PDGFC: variants seen among roughly 807,000 people sequenced by gnomAD.
PDGFC encodes the protein platelet derived growth factor C.
PDGFC carries 12 observed loss-of-function variants against 35.5 expected under a neutral mutation model. The observed-to-expected ratio is 0.34, with a 90% CI of 0.22 to 0.55. The LOEUF (loss-of-function observed/expected upper bound fraction) is 0.55, where lower values mean the gene tolerates loss of function less well. Ranked by LOEUF, PDGFC falls within the 20% of genes least tolerant of loss-of-function variation. PDGFC has a pLI of 0.91. For synonymous variants in PDGFC, 159 were observed against 148.8 expected, an observed-to-expected ratio of 1.07 and a Z score of -0.50; for missense variants, 322 against 412.4, an observed-to-expected ratio of 0.78 and a Z score of 1.90.
intron 1 of PDGFC, among the ~76,000 whole-genome samples, chr4:156,862,831 A>T (rs1433008323): frequency 1.3e-5 from 2 of 151,374 alleles, no homozygotes; most frequent in African/African-American, 4.9e-5. Flanking sequence ...AGTAGCTGGG[A>T]TTACAGGCAC....
chr4:156,828,710 A>T (rs1176248720), intron 2 of PDGFC, among the ~76,000 whole-genome samples: 2 of 152,210 alleles, frequency 1.3e-5, no homozygotes, highest in East Asian at 3.8e-4. Context: ...TATTTAACGT[A>T]CAGATAGAAC....
intron 1 of PDGFC, among the ~76,000 whole-genome samples, chr4:156,878,579 T>A (rs1044525880): frequency 1.3e-5 from 2 of 152,200 alleles, no homozygotes; most frequent in African/African-American, 4.8e-5. Flanking sequence ...TTGAATTTTT[T>A]AAGATTTTGT....
chr4:156,893,608 G>A (rs1431505851), intron 1 of PDGFC, among the ~76,000 whole-genome samples: 1 of 151,354 alleles, frequency 6.6e-6, no homozygotes, highest in Non-Finnish European at 1.5e-5. Flanking sequence ...AAGTTGCTGG[G>A]ATTACAGGCA....
At chr4:156,887,026 A>T (rs1730392422) in intron 1 of PDGFC, among the ~76,000 whole-genome samples, 1 of 152,178 alleles carries the variant, frequency 6.6e-6, no homozygotes, top group South Asian at 2.1e-4. Context: ...GAATTTTTGT[A>T]TGTATTCACA....
intron 2 of PDGFC, among the ~76,000 whole-genome samples, chr4:156,848,462 A>T (rs982631949): frequency 6.6e-6 from 1 of 151,994 alleles, no homozygotes; most frequent in Admixed American, 6.6e-5. Context: ...AAACAAGTCA[A>T]ACGTTCCTCA....
intron 2 of PDGFC, among the ~76,000 whole-genome samples, chr4:156,832,038 AT>A (rs1233181001): frequency 6.6e-6 from 1 of 151,576 alleles, no homozygotes; most frequent in Non-Finnish European, 1.5e-5. Flanking sequence ...CTCTTTTAAA[AT>A]TTTTTTTCTA....
intron 3 of PDGFC, among the ~76,000 whole-genome samples, chr4:156,790,851 G>C (rs1309716153): frequency 3.3e-5 from 5 of 152,194 alleles, no homozygotes; most frequent in Non-Finnish European, 2.9e-5. Context: ...AATAAATTAA[G>C]TTCCTCTGGC....
At chr4:156,818,557 G>A (rs537272383) in intron 2 of PDGFC, among the ~76,000 whole-genome samples, 30 of 114,572 alleles carry the variant, frequency 2.6e-4, no homozygotes, top group Non-Finnish European at 4.2e-4. Context: ...GTCTCGCTCT[G>A]TCGCCCAGGC....
intron 2 of PDGFC, among the ~76,000 whole-genome samples, chr4:156,840,818 G>A (rs187389128): frequency 1.3e-5 from 2 of 152,280 alleles, no homozygotes; most frequent in Non-Finnish European, 1.5e-5. Context: ...ACTCAAAGGG[G>A]TTCATTTTGG....
intron 1 of PDGFC, among the ~76,000 whole-genome samples, chr4:156,900,739 G>A (rs887621872): frequency 6.6e-6 from 1 of 152,110 alleles, no homozygotes; most frequent in Non-Finnish European, 1.5e-5. Context: ...GAAGGCTGAG[G>A]TGGGAGGATG....
intron 1 of PDGFC, among the ~76,000 whole-genome samples, chr4:156,924,595 C>T (rs532488940): frequency 6.6e-6 from 1 of 152,054 alleles, no homozygotes; most frequent in South Asian, 2.1e-4. Context: ...GATTAAAATG[C>T]AAAAAGTTTA....
At chr4:156,868,411 CTACCCATTA>C (rs1329005210) in intron 1 of PDGFC, among the ~76,000 whole-genome samples, 1 of 152,128 alleles carries the variant, frequency 6.6e-6, no homozygotes, top group Non-Finnish European at 1.5e-5. Flanking sequence ...TGTGTGAACA[CTACCCATTA>C]AGGATTATCT....
chr4:156,837,580 G>A (rs1429635350), intron 2 of PDGFC, among the ~76,000 whole-genome samples: 1 of 152,132 alleles, frequency 6.6e-6, no homozygotes, highest in Non-Finnish European at 1.5e-5. Context: ...TGGTATCAAG[G>A]CAATTATGGA....
At chr4:156,946,169 A>T (rs1004552735) in intron 1 of PDGFC, among the ~76,000 whole-genome samples, 4 of 152,072 alleles carry the variant, frequency 2.6e-5, no homozygotes, top group African/African-American at 9.6e-5. Flanking sequence ...TGTTAGTATT[A>T]CTCACATCTG....
At chr4:156,940,405 C>T (rs1224732182) in intron 1 of PDGFC, among the ~76,000 whole-genome samples, 1 of 151,994 alleles carries the variant, frequency 6.6e-6, no homozygotes, top group African/African-American at 2.4e-5. Context: ...TATCTATTTA[C>T]TCAATAAATG....
At chr4:156,764,283 C>A (rs1730458694) in intron 5 of PDGFC, among the ~76,000 whole-genome samples, 1 of 152,200 alleles carries the variant, frequency 6.6e-6, no homozygotes, top group African/African-American at 2.4e-5. Context: ...GAATGCATAC[C>A]TCACTGGAGT....
At chr4:156,956,061 T>C (rs1732201725) in intron 1 of PDGFC, among the ~76,000 whole-genome samples, 1 of 152,074 alleles carries the variant, frequency 6.6e-6, no homozygotes, top group African/African-American at 2.4e-5. Flanking sequence ...ACACTGATTA[T>C]GAACATCAAG....
At chr4:156,883,870 C>T (rs1007321281) in intron 1 of PDGFC, among the ~76,000 whole-genome samples, 2 of 152,148 alleles carry the variant, frequency 1.3e-5, no homozygotes, top group African/African-American at 2.4e-5. Context: ...TGCTACTTCT[C>T]AATTGGCATT....
At chr4:156,830,799 T>A (rs1728913846) in intron 2 of PDGFC, among the ~76,000 whole-genome samples, 1 of 152,186 alleles carries the variant, frequency 6.6e-6, no homozygotes, top group Admixed American at 6.5e-5. Context: ...TGTGATCAAT[T>A]AAGTTATTTA....
Sources: gnomAD v4.1 joint callset for allele counts (sites outside exome capture counted in the v4.1 genomes callset) on GRCh38, gnomAD v4.1.1 for gene constraint, MANE v1.5 for transcripts, NCBI Gene and HGNC (gene_info 2026-07-23, HGNC 2026-07-21) for gene names.